The following REV3L variants were observed in gnomAD, a reference collection of about 807,000 sequenced individuals.
REV3L encodes DNA polymerase zeta catalytic subunit.
Under a neutral mutation model 299.4 loss-of-function variants are expected in REV3L, and 69 were observed. The ratio of observed to expected loss-of-function variants is 0.23; its 90% CI spans 0.19 to 0.28. The LOEUF is 0.28. Ranked by LOEUF, REV3L falls within the 10% of genes least tolerant of loss-of-function variation. The probability of loss-of-function intolerance (pLI) is 1.00; values close to 1 mark genes in which losing one functional copy is unlikely to be tolerated. For missense variants in REV3L, 3,128 were observed against 3,693.8 expected, an observed-to-expected ratio of 0.85 and a Z score of 3.97; for synonymous variants, 1,238 against 1,271.4, an observed-to-expected ratio of 0.97 and a Z score of 0.56.
In REV3L at chr6:111,482,889, G is replaced by A. The variant is rs1419659125; in HGVS notation, c.-1C>T. 6.6e-7 allele frequency: 1 copy of A among 1,513,150 alleles called. No homozygotes were observed. Among genetic ancestry groups the A allele is most frequent in the Non-Finnish European group, 8.8e-7 (1 of 1,140,532 alleles). 93.7% of individuals were successfully genotyped at this position (1,513,150 alleles called of 1,614,324 possible). A position where few individuals can be genotyped will look rare whatever the true frequency, so the allele number is the denominator to read the frequency against. The stretch of plus-strand genomic sequence containing the variant: ...CAGTCACTATCCTTACTGAAAACAT[G>A]TTCGCCGCCGCCGCCACTGCCTCCC... On this transcript the variant is annotated 5_prime_UTR_variant, in exon 1 of 32. Coordinates refer to ENST00000368802, the MANE Select transcript of REV3L (RefSeq NM_001372078.1).
At chr6:111,477,282 T>C (rs567271359) in intron 1 of REV3L, among the ~76,000 whole-genome samples, 14 of 152,326 alleles carry the variant, frequency 9.2e-5, no homozygotes, top group Non-Finnish European at 2.1e-4. Flanking sequence ...TTTCAAGCAC[T>C]GTGGTAAGCA....
chr6:111,407,067 G>A (rs377717389), intron 3 of REV3L, among the ~76,000 whole-genome samples: 18 of 151,850 alleles, frequency 1.2e-4, no homozygotes, highest in East Asian at 5.8e-4. Flanking sequence ...GTATGATGGC[G>A]CCACTGCATG....
rs1793977582 is a variant in REV3L at position 111,483,128 on chromosome 6, C to G, written c.-240G>C. On this transcript the variant is annotated 5_prime_UTR_variant, in exon 1 of 32. Transcript: ENST00000368802. The stretch of plus-strand genomic sequence containing the variant: ...AGAAGCCCTCGAGCTTTCGTCGGTG[C>G]TGGTGCTGCCGCCACTGCCGCCACC... The G allele has an allele frequency of 2.0e-6, 1 of 499,238 alleles. No individual in the cohort carries two copies. Among genetic ancestry groups the G allele is most frequent in the Admixed American group, 4.3e-5 (1 of 23,072 alleles). 30.9% of individuals were successfully genotyped at this position (499,238 alleles called of 1,614,324 possible).
chr6:111,395,866 A>T (rs1782445640), intron 4 of REV3L, among the ~76,000 whole-genome samples: 1 of 152,172 alleles, frequency 6.6e-6, no homozygotes, highest in Non-Finnish European at 1.5e-5. Flanking sequence ...TGATCCTTCT[A>T]TGATTAACTT....
intron 30 of REV3L, 54 bp from the exon 31 acceptor site, chr6:111,307,624 C>T: frequency 4.6e-6 from 7 of 1,529,932 alleles, no homozygotes; most frequent in East Asian, 2.3e-5. Flanking sequence ...AGCAAAGCTG[C>T]TATTTTCATG....
chr6:111,400,883 T>G (rs376784244), intron 4 of REV3L, among the ~76,000 whole-genome samples: 3 of 152,178 alleles, frequency 2.0e-5, no homozygotes, highest in African/African-American at 7.2e-5. Context: ...TTATTTAAGG[T>G]GTGAAGTATG....
At chr6:111,483,247 G>A (rs1583169655), upstream of REV3L, 1 of 485,776 alleles carries the variant, frequency 2.1e-6, no homozygotes, top group Non-Finnish European at 3.6e-6. Context: ...GAGGGGAGAG[G>A]GGGGTGTGTG....
intron 1 of REV3L, among the ~76,000 whole-genome samples, chr6:111,455,126 G>A (rs549608209): frequency 5.9e-5 from 9 of 152,164 alleles, no homozygotes; most frequent in Admixed American, 3.9e-4. Flanking sequence ...TGCTTTAACA[G>A]GGATACAAAG....
At chr6:111,406,877 T>C (rs573422916) in intron 3 of REV3L, among the ~76,000 whole-genome samples, 11 of 152,290 alleles carry the variant, frequency 7.2e-5, no homozygotes, top group African/African-American at 2.6e-4. Context: ...TTCTGAGCAC[T>C]ATATATTGGA....
intron 1 of REV3L, among the ~76,000 whole-genome samples, chr6:111,423,404 C>T (rs1392050178): frequency 6.6e-6 from 1 of 151,712 alleles, no homozygotes; most frequent in Non-Finnish European, 1.5e-5. Context: ...TGTACAGAAA[C>T]CTGACAGCAA....
intron 1 of REV3L, among the ~76,000 whole-genome samples, chr6:111,467,585 G>C (rs1791656100): frequency 6.6e-6 from 1 of 152,136 alleles, no homozygotes; most frequent in Non-Finnish European, 1.5e-5. Flanking sequence ...GGAAAGAGTT[G>C]CATCTGTACT....
intron 20 of REV3L, among the ~76,000 whole-genome samples, chr6:111,347,323 A>G (rs1427245795): frequency 6.6e-6 from 1 of 151,524 alleles, no homozygotes; most frequent in Non-Finnish European, 1.5e-5. Context: ...TACACACCAA[A>G]TACACCACAA....
chr6:111,315,584 A>C, intron 26 of REV3L: 1 of 552,994 alleles, frequency 1.8e-6, no homozygotes, highest in Non-Finnish European at 3.2e-6. Context: ...AAATCTTTTA[A>C]GACATCCAAT....
intron 1 of REV3L, among the ~76,000 whole-genome samples, chr6:111,468,519 T>C (rs941840582): frequency 6.6e-6 from 1 of 152,072 alleles, no homozygotes; most frequent in African/African-American, 2.4e-5. Context: ...CTCAAGCATA[T>C]GAAAAAACAC....
chr6:111,391,737 T>A (rs534253666), intron 5 of REV3L, among the ~76,000 whole-genome samples: 31 of 152,260 alleles, frequency 2.0e-4, no homozygotes, highest in African/African-American at 4.6e-4. Context: ...CTACAAAAAA[T>A]TTTTTTAAAT....
At chr6:111,411,968 C>CA (rs1183238808) in intron 2 of REV3L, 1 of 985,166 alleles carries the variant, frequency 1.0e-6, no homozygotes, top group African/African-American at 1.7e-5. Flanking sequence ...ACAGACCTTT[C>CA]AGCCGCCTTC....
At chr6:111,445,636 A>T (rs534004428) in intron 1 of REV3L, among the ~76,000 whole-genome samples, 258 of 152,338 alleles carry the variant, frequency 1.7e-3, no homozygotes, top group Admixed American at 2.5e-3. Context: ...TCTACCTTTA[A>T]AGAGCTGGGG....
At chr6:111,404,054 T>C (rs1196278857) in intron 4 of REV3L, among the ~76,000 whole-genome samples, 1 of 152,138 alleles carries the variant, frequency 6.6e-6, no homozygotes, top group Non-Finnish European at 1.5e-5. Context: ...AGATTTGCAA[T>C]GTAGATGAAA....
intron 9 of REV3L, among the ~76,000 whole-genome samples, chr6:111,384,114 A>G (rs1453165622): frequency 1.3e-5 from 2 of 152,232 alleles, no homozygotes; most frequent in African/African-American, 4.8e-5. Context: ...AAAATGAATT[A>G]AAGACTTAAA....
Sources: allele counts gnomAD v4.1 joint callset (sites outside exome capture counted in the v4.1 genomes callset), GRCh38; gene constraint gnomAD v4.1.1; transcripts MANE v1.5; gene names NCBI Gene and HGNC (gene_info 2026-07-23, HGNC 2026-07-21).